Variants in BAZ2B observed in about 807,000 individuals in gnomAD.
BAZ2B encodes bromodomain adjacent to zinc finger domain 2B.
A neutral mutation model predicts 246.0 loss-of-function variants in BAZ2B; 91 were observed. That is an observed-to-expected ratio of 0.37 (90% CI 0.31 to 0.44). The LOEUF (loss-of-function observed/expected upper bound fraction) is 0.44. Among genes scored for constraint, BAZ2B ranks in the 20% least tolerant of loss-of-function variants. The pLI is 1.00. For missense variants in BAZ2B, 2,332 were observed against 2,533.7 expected, an observed-to-expected ratio of 0.92 and a Z score of 1.71; for synonymous variants, 855 against 860.0, an observed-to-expected ratio of 0.99 and a Z score of 0.10.
At chr2:159,528,681 C>CAA (rs34432207) in intron 2 of BAZ2B, among the ~76,000 whole-genome samples, 3,085 of 92,320 alleles carry the variant, frequency 0.033, 133 homozygotes, top group African/African-American at 0.11. Flanking sequence ...AACTCTGTCT[C>CAA]AAAAAAAAAA....
the BAZ2B span, among the ~76,000 whole-genome samples, chr2:159,699,493 C>T: frequency 1.2e-4 from 18 of 152,076 alleles, no homozygotes; most frequent in African/African-American, 4.3e-4. Flanking sequence ...ACTCTGATCA[C>T]ACCACTGCAC....
intron 2 of BAZ2B, among the ~76,000 whole-genome samples, chr2:159,480,772 C>T (rs2079143704): frequency 6.6e-6 from 1 of 151,860 alleles, no homozygotes; most frequent in South Asian, 2.1e-4. Context: ...ATATCTGGTT[C>T]TTTTTGCTCA....
chr2:159,619,537 TA>T (rs1696347462), upstream of BAZ2B, among the ~76,000 whole-genome samples: 1 of 150,768 alleles, frequency 6.6e-6, no homozygotes, highest in South Asian at 2.1e-4. Context: ...TCTATTTCAA[TA>T]AAAATAATAA....
chr2:159,372,127 C>G (rs2060916569), intron 27 of BAZ2B, among the ~76,000 whole-genome samples: 1 of 152,186 alleles, frequency 6.6e-6, no homozygotes, highest in Non-Finnish European at 1.5e-5. Flanking sequence ...ATTAGCCAGT[C>G]TTCTCTCCCC....
intron 34 of BAZ2B, among the ~76,000 whole-genome samples, chr2:159,330,111 T>G (rs1405583894): frequency 6.6e-6 from 1 of 152,222 alleles, no homozygotes; most frequent in Admixed American, 6.5e-5. Flanking sequence ...GTGAATATGA[T>G]GCCATGTAAG....
chr2:159,379,347 G>A (rs139788187), intron 25 of BAZ2B, among the ~76,000 whole-genome samples: 18 of 152,242 alleles, frequency 1.2e-4, no homozygotes, highest in African/African-American at 4.3e-4. Context: ...CAGGGAAATT[G>A]GGGAGTTCCT....
chr2:159,359,431 C>G (rs2059451329), intron 27 of BAZ2B, among the ~76,000 whole-genome samples: 1 of 152,058 alleles, frequency 6.6e-6, no homozygotes, highest in Non-Finnish European at 1.5e-5. Context: ...CTGAATAGAC[C>G]AATAACAAGT....
intron 2 of BAZ2B, among the ~76,000 whole-genome samples, chr2:159,518,158 G>A (rs922844626): frequency 1.4e-4 from 22 of 152,110 alleles, no homozygotes; most frequent in Admixed American, 4.6e-4. Context: ...CCTATAATGT[G>A]TCAAATTTAG....
chr2:159,449,106 G>C (rs1241468826), intron 4 of BAZ2B, among the ~76,000 whole-genome samples: 1 of 152,066 alleles, frequency 6.6e-6, no homozygotes, highest in Non-Finnish European at 1.5e-5. Flanking sequence ...ATTAATTACA[G>C]ATAACAATGA....
At chr2:159,393,320 T>G (rs1442501595) in intron 20 of BAZ2B, among the ~76,000 whole-genome samples, 1 of 152,122 alleles carries the variant, frequency 6.6e-6, no homozygotes, top group Non-Finnish European at 1.5e-5. Context: ...GCATAGGGAG[T>G]GCTGAGGAAA....
intron 6 of BAZ2B, among the ~76,000 whole-genome samples, chr2:159,440,537 G>T: frequency 7.0e-6 from 1 of 141,942 alleles, no homozygotes; most frequent in Non-Finnish European, 1.5e-5. Flanking sequence ...TTTTTTTTCG[G>T]GGACAGTCTC....
At chr2:159,515,574 T>C (rs2083353738) in intron 2 of BAZ2B, among the ~76,000 whole-genome samples, 1 of 152,130 alleles carries the variant, frequency 6.6e-6, no homozygotes, top group Admixed American at 6.6e-5. Flanking sequence ...GTGAAATTCA[T>C]TTCCTTTGTA....
intron 4 of BAZ2B, 37 bp downstream of exon 4, chr2:159,453,576 C>T: frequency 6.5e-7 from 1 of 1,532,580 alleles, no homozygotes; most frequent in Non-Finnish European, 8.8e-7. Flanking sequence ...TCAAGCTTTC[C>T]TCCTTCCCTT....
intron 1 of BAZ2B, among the ~76,000 whole-genome samples, chr2:159,594,119 G>T (rs1690035202): frequency 6.6e-6 from 1 of 152,084 alleles, no homozygotes. Flanking sequence ...AAAACAAAAA[G>T]TCGGCCGGGC....
downstream of BAZ2B, among the ~76,000 whole-genome samples, chr2:159,315,613 C>T (rs78171133): frequency 1.7e-3 from 262 of 152,274 alleles, 1 homozygote; most frequent in African/African-American, 6.0e-3. Flanking sequence ...GAGAACAAGG[C>T]GGAAGCAGCA....
At chr2:159,397,854 A>AT (rs34725967) in intron 18 of BAZ2B, among the ~76,000 whole-genome samples, 3 of 151,540 alleles carry the variant, frequency 2.0e-5, no homozygotes, top group Admixed American at 6.6e-5. Context: ...AATTAACATC[A>AT]TTTTTTTTTC....
chr2:159,423,915 G>T (rs556275958), intron 13 of BAZ2B, among the ~76,000 whole-genome samples: 2 of 152,176 alleles, frequency 1.3e-5, no homozygotes, highest in East Asian at 3.9e-4. Flanking sequence ...CTACCAATCG[G>T]GTACTGTGCT....
chr2:159,406,440 T>A (rs2065948303), intron 14 of BAZ2B, among the ~76,000 whole-genome samples: 1 of 152,194 alleles, frequency 6.6e-6, no homozygotes, highest in African/African-American at 2.4e-5. Context: ...TAAGGTTTGG[T>A]GGTTGTTACC....
At chr2:159,572,560 G>A (rs922331105) in intron 1 of BAZ2B, among the ~76,000 whole-genome samples, 1 of 152,258 alleles carries the variant, frequency 6.6e-6, no homozygotes, top group South Asian at 2.1e-4. Context: ...CAATAAATAA[G>A]TGAAAGTGAA....
Sources: allele counts gnomAD v4.1 joint callset (sites outside exome capture counted in the v4.1 genomes callset), GRCh38; gene constraint gnomAD v4.1.1; transcripts MANE v1.5; gene names NCBI Gene and HGNC (gene_info 2026-07-23, HGNC 2026-07-21).